The following PIK3C2G variants were observed in gnomAD, a reference collection of about 807,000 sequenced individuals.
PIK3C2G encodes phosphatidylinositol-4-phosphate 3-kinase catalytic subunit type 2 gamma.
PIK3C2G carries 168 observed loss-of-function variants against 181.1 expected under a neutral mutation model. The ratio of observed to expected loss-of-function variants is 0.93; its 90% CI spans 0.82 to 1.05. The LOEUF is 1.05. PIK3C2G is among the 50% of genes least tolerant of loss of function. PIK3C2G has a pLI of 0.00. For missense variants in PIK3C2G, 1,869 were observed against 1,732.8 expected, an observed-to-expected ratio of 1.08 and a Z score of -1.40; for synonymous variants, 573 against 592.2, an observed-to-expected ratio of 0.97 and a Z score of 0.47.
At chr12:18,407,383 CCTT>C (rs1353597238) in intron 16 of PIK3C2G, among the ~76,000 whole-genome samples, 2 of 152,042 alleles carry the variant, frequency 1.3e-5, no homozygotes, top group Non-Finnish European at 2.9e-5. Context: ...AGAAAAACCT[CCTT>C]AATATTAGTC....
chr12:18,697,501 TCATAA>T, the PIK3C2G span, among the ~76,000 whole-genome samples: 1 of 152,166 alleles, frequency 6.6e-6, no homozygotes, highest in Non-Finnish European at 1.5e-5. Context: ...GACTAAGGTC[TCATAA>T]CATAATATGA....
At chr12:18,319,726 T>G (rs1389120814) in intron 6 of PIK3C2G, among the ~76,000 whole-genome samples, 3 of 152,210 alleles carry the variant, frequency 2.0e-5, no homozygotes, top group African/African-American at 4.8e-5. Context: ...AATATTACAG[T>G]TCAAATCTTA....
At position 18,320,988 on chromosome 12, in the gene PIK3C2G, T is replaced by C. The variant is rs761267867; in HGVS notation, c.1164T>C (p.Tyr388=). 6.4e-6 allele frequency: 10 copies of C among 1,574,718 alleles called. 1 individual carries two copies. In the African/African-American group the frequency reaches 9.5e-5, roughly 15 times the overall value. Residue 388 remains tyrosine, a synonymous_variant, in exon 7 of 33, where the codon TAT becomes TAC. Transcript: ENST00000538779. ...RKHEEDHSQF[Y]LNQLLEFMHI... ...ATGAAGAGGACCACAGTCAGTTTTA[T>C]CTGAATCAACTTCTAGAATTTATGC...
intron 30 of PIK3C2G, among the ~76,000 whole-genome samples, chr12:18,596,210 G>A (rs192324543): frequency 2.1e-4 from 32 of 152,004 alleles, no homozygotes; most frequent in Non-Finnish European, 3.5e-4. Context: ...TATCAAAATC[G>A]TGCTATTCCT....
At chr12:18,295,014 C>A (rs1302992158) in intron 5 of PIK3C2G, among the ~76,000 whole-genome samples, 1 of 141,882 alleles carries the variant, frequency 7.0e-6, no homozygotes, top group Non-Finnish European at 1.6e-5. Context: ...GACTATTTTC[C>A]TTTTTGTGGG....
intron 26 of PIK3C2G, among the ~76,000 whole-genome samples, chr12:18,551,004 T>C (rs1040294602): frequency 3.3e-5 from 5 of 152,120 alleles, no homozygotes; most frequent in African/African-American, 1.2e-4. Context: ...ACATATCCAT[T>C]CTAGGTCAAG....
chr12:18,654,621 G>C, the PIK3C2G span, among the ~76,000 whole-genome samples: 8 of 152,156 alleles, frequency 5.3e-5, no homozygotes, highest in African/African-American at 1.9e-4. Context: ...TTGTGGAACT[G>C]TTATTCCAGG....
At chr12:18,244,709 G>A (rs914702155), upstream of PIK3C2G, among the ~76,000 whole-genome samples, 4 of 152,072 alleles carry the variant, frequency 2.6e-5, no homozygotes, top group African/African-American at 9.7e-5. Context: ...AATGTGAAGA[G>A]TAACTAAAGG....
At chr12:18,607,980 G>A (rs1217999376) in intron 30 of PIK3C2G, among the ~76,000 whole-genome samples, 1 of 152,164 alleles carries the variant, frequency 6.6e-6, no homozygotes, top group Non-Finnish European at 1.5e-5. Context: ...TCAGAGAAAT[G>A]CAAATCAAAA....
the PIK3C2G span, among the ~76,000 whole-genome samples, chr12:18,721,178 T>C: frequency 2.0e-5 from 3 of 152,078 alleles, no homozygotes; most frequent in African/African-American, 7.2e-5. Context: ...TAAATATCTT[T>C]GGTAATGGAA....
At chr12:18,643,374 G>T (rs545280754) in intron 32 of PIK3C2G, among the ~76,000 whole-genome samples, 1 of 151,786 alleles carries the variant, frequency 6.6e-6, no homozygotes, top group African/African-American at 2.4e-5. Flanking sequence ...AGCCAATTCC[G>T]ATGAGAACAT....
At chr12:18,386,395 C>T (rs1943173691) in intron 14 of PIK3C2G, among the ~76,000 whole-genome samples, 1 of 152,170 alleles carries the variant, frequency 6.6e-6, no homozygotes. Context: ...AATTTCAGAT[C>T]ATTTCCATCA....
At chr12:18,710,817 A>C in the PIK3C2G span, among the ~76,000 whole-genome samples, 5 of 152,226 alleles carry the variant, frequency 3.3e-5, no homozygotes, top group African/African-American at 1.2e-4. Context: ...AGAAATGCAA[A>C]TCAAAACCAC....
At chr12:18,300,908 T>A (rs540301708) in intron 5 of PIK3C2G, among the ~76,000 whole-genome samples, 23 of 152,236 alleles carry the variant, frequency 1.5e-4, no homozygotes, top group African/African-American at 5.5e-4. Flanking sequence ...ATTCTCTCAG[T>A]TTTTGCTTTC....
At chr12:18,445,792 A>G (rs1946990063) in intron 18 of PIK3C2G, among the ~76,000 whole-genome samples, 2 of 152,330 alleles carry the variant, frequency 1.3e-5, no homozygotes, top group East Asian at 1.9e-4. Flanking sequence ...GTATTATTAC[A>G]TTTCAAAAGC....
rs1384734193 is a variant in PIK3C2G at position 18,325,106 on chromosome 12, C to T, written c.1272+8C>T. ...TACCTATTGAAAACCCAGGTATTGACTTTTGTTACTTTATCCATCAATTCA... is the reference window on the plus strand; with the variant it reads ...TACCTATTGAAAACCCAGGTATTGATTTTTGTTACTTTATCCATCAATTCA... On this transcript the variant is annotated splice_region_variant and intron_variant, in intron 8 of 32. Transcript: ENST00000538779. The T allele has an allele frequency of 4.3e-5, 64 of 1,477,448 alleles. No homozygotes were observed. Among genetic ancestry groups the T allele is most frequent in the Non-Finnish European group, 9.4e-7 (1 of 1,065,792 alleles). The allele number at this position is 1,477,448 out of a possible 1,614,324, so 91.5% of individuals were successfully genotyped here. A position where few individuals can be genotyped will look rare whatever the true frequency, so the allele number is the denominator to read the frequency against.
intron 15 of PIK3C2G, among the ~76,000 whole-genome samples, chr12:18,397,751 T>C (rs79702761): frequency 0.13 from 19,330 of 152,002 alleles, 1,245 homozygotes; most frequent in African/African-American, 0.15. Flanking sequence ...CATATAACCA[T>C]GTCCTTCCTC....
At chr12:18,438,959 A>G (rs749698929) in intron 18 of PIK3C2G, among the ~76,000 whole-genome samples, 47 of 151,902 alleles carry the variant, frequency 3.1e-4, no homozygotes, top group Non-Finnish European at 1.0e-4. Context: ...TTTAGAAAGG[A>G]TAAGAAGTAT....
intron 1 of PIK3C2G, among the ~76,000 whole-genome samples, chr12:18,254,263 A>G (rs1015035614): frequency 2.6e-5 from 4 of 152,100 alleles, no homozygotes; most frequent in African/African-American, 7.2e-5. Context: ...TTTTCTTTTC[A>G]GAATGGAACC....
Sources: gnomAD v4.1 joint callset for allele counts (sites outside exome capture counted in the v4.1 genomes callset) on GRCh38, gnomAD v4.1.1 for gene constraint, MANE v1.5 for transcripts, NCBI Gene and HGNC (gene_info 2026-07-23, HGNC 2026-07-21) for gene names.